SYT14: variants seen among roughly 807,000 people sequenced by gnomAD.
The protein encoded by SYT14 is synaptotagmin-14.
A neutral mutation model predicts 74.2 loss-of-function variants in SYT14; 32 were observed. That is an observed-to-expected ratio of 0.43 (90% CI 0.33 to 0.58). The LOEUF is 0.58. Ranked by LOEUF, SYT14 falls within the 20% of genes least tolerant of loss-of-function variation. SYT14 has a pLI of 0.05. For synonymous variants in SYT14, 298 were observed against 337.7 expected (o/e 0.88, Z 1.29); for missense variants, 791 against 981.8 (o/e 0.81, Z 2.60).
intron 5 of SYT14, among the ~76,000 whole-genome samples, chr1:210,083,403 G>A (rs1288380910): frequency 6.6e-6 from 1 of 152,166 alleles, no homozygotes; most frequent in Non-Finnish European, 1.5e-5. Flanking sequence ...GTATCTGAAG[G>A]TGCAAAAGAA....
At chr1:210,054,945 T>G (rs548918444) in intron 5 of SYT14, among the ~76,000 whole-genome samples, 10 of 152,288 alleles carry the variant, frequency 6.6e-5, no homozygotes, top group African/African-American at 1.9e-4. Context: ...GGGTGCCTAT[T>G]ATAGAGGACA....
intron 2 of SYT14, among the ~76,000 whole-genome samples, chr1:209,989,390 T>C (rs1396805219): frequency 6.6e-6 from 1 of 152,208 alleles, no homozygotes; most frequent in East Asian, 1.9e-4. Context: ...AATTGGAAAT[T>C]GGACAATGTA....
At chr1:210,151,720 A>G (rs1471067476) in intron 7 of SYT14, among the ~76,000 whole-genome samples, 1 of 152,156 alleles carries the variant, frequency 6.6e-6, no homozygotes, top group Non-Finnish European at 1.5e-5. Context: ...TTCTTGTGTT[A>G]TGTAAACACC....
chr1:209,974,167 T>A (rs1255563468), intron 2 of SYT14, among the ~76,000 whole-genome samples: 1 of 152,236 alleles, frequency 6.6e-6, no homozygotes, highest in African/African-American at 2.4e-5. Flanking sequence ...AGGTTGCCTG[T>A]TCACTCTGAT....
chr1:210,116,685 A>G (rs917787602), intron 7 of SYT14, among the ~76,000 whole-genome samples: 1 of 152,228 alleles, frequency 6.6e-6, no homozygotes, highest in African/African-American at 2.4e-5. Flanking sequence ...GATTTTAAAC[A>G]CTTGGAGAAG....
chr1:209,958,422 AC>A (rs200597707), intron 2 of SYT14, among the ~76,000 whole-genome samples: 4,394 of 150,828 alleles, frequency 0.029, 225 homozygotes, highest in African/African-American at 0.099. Context: ...TTCCTTAAAA[AC>A]AAAAAGCCTT....
At chr1:210,131,496 C>T (rs1252052453) in intron 7 of SYT14, among the ~76,000 whole-genome samples, 2 of 151,652 alleles carry the variant, frequency 1.3e-5, no homozygotes, top group East Asian at 1.9e-4. Context: ...GCCACTTTTT[C>T]GTAGAGGCAA....
intron 2 of SYT14, among the ~76,000 whole-genome samples, chr1:210,002,083 T>G (rs1293920849): frequency 6.6e-6 from 1 of 152,218 alleles, no homozygotes; most frequent in East Asian, 1.9e-4. Context: ...TCTCGCAGAC[T>G]GGAATGATTC....
chr1:210,120,152 A>G (rs975728089), intron 7 of SYT14, among the ~76,000 whole-genome samples: 1 of 150,114 alleles, frequency 6.7e-6, no homozygotes, highest in Admixed American at 6.6e-5. Flanking sequence ...TTTTTTTTCT[A>G]GTAGGAAAAG....
chr1:210,093,068 CTG>C (rs1298909122), intron 5 of SYT14, among the ~76,000 whole-genome samples: 1 of 151,748 alleles, frequency 6.6e-6, no homozygotes, highest in East Asian at 1.9e-4. Context: ...AGAGATGACT[CTG>C]TGGTTAGACT....
At chr1:210,143,776 C>T (rs1429731702) in intron 7 of SYT14, among the ~76,000 whole-genome samples, 1 of 151,810 alleles carries the variant, frequency 6.6e-6, no homozygotes, top group Non-Finnish European at 1.5e-5. Flanking sequence ...GCATTCAGAC[C>T]CTTTATTTCA....
rs139957540 is a variant in SYT14, at chr1:210,029,882, G to A, written c.1312+8628G>A. ...AGTTTTCTAAGCATCAACATAGTGT[G>A]CCTTCTCATTTATTTATTTATGTCT... On this transcript the variant is annotated intron_variant, in intron 5 of 9. Transcript: ENST00000637265. 2.1e-3 allele frequency among the ~76,000 whole-genome samples: 318 copies of A among 152,232 alleles called. 1 individual carries two copies. The highest frequency in any genetic ancestry group is 7.4e-3 in the African/African-American group (307 of 41,544).
At chr1:210,039,976 TTCC>T (rs2080752124) in intron 5 of SYT14, among the ~76,000 whole-genome samples, 1 of 152,108 alleles carries the variant, frequency 6.6e-6, no homozygotes, top group South Asian at 2.1e-4. Flanking sequence ...GTGTGGTGAT[TTCC>T]TCAAGGATGT....
intron 2 of SYT14, among the ~76,000 whole-genome samples, chr1:209,988,460 C>T (rs550512240): frequency 3.0e-4 from 45 of 151,968 alleles, no homozygotes; most frequent in Non-Finnish European, 3.8e-4. Context: ...TTTCATTTTG[C>T]TTCTTTGCAT....
chr1:209,980,411 A>G (rs1007423756), intron 2 of SYT14, among the ~76,000 whole-genome samples: 1 of 152,038 alleles, frequency 6.6e-6, no homozygotes, highest in Non-Finnish European at 1.5e-5. Flanking sequence ...GTTCATTCTG[A>G]TGGATAGTTC....
intron 5 of SYT14, among the ~76,000 whole-genome samples, chr1:210,051,127 A>G (rs2080986678): frequency 6.6e-6 from 1 of 152,190 alleles, no homozygotes; most frequent in Admixed American, 6.5e-5. Flanking sequence ...CTCTTCACCC[A>G]TAGAACTGTG....
chr1:210,082,182 G>A lies in SYT14; in HGVS notation c.1313-12140G>A, dbSNP rs186003351. Among the ~76,000 whole-genome samples the A allele has an allele frequency of 6.0e-4, 91 of 152,218 alleles. 1 individual carries two copies. The highest frequency in any genetic ancestry group is 6.6e-4 in the Non-Finnish European group (45 of 68,010). Reference sequence around the variant, plus strand: ...TAAATTTTAGAAATCATGATATTTGGTGCATATTTGAGTTTTAAGTTGTAT... The same window carrying A: ...TAAATTTTAGAAATCATGATATTTGATGCATATTTGAGTTTTAAGTTGTAT... On this transcript the variant is annotated intron_variant, in intron 5 of 9. Coordinates refer to ENST00000637265, the Ensembl canonical transcript of SYT14.
Position 210,066,499 on chromosome 1 carries a change from G to A in SYT14, c.1313-27823G>A, listed in dbSNP as rs542397088. Among the ~76,000 whole-genome samples, 295 of 152,208 alleles carry A rather than the reference G, an allele frequency of 1.9e-3. 1 individual carries two copies. Among genetic ancestry groups the A allele is most frequent in the African/African-American group, 6.8e-3 (282 of 41,552 alleles). On this transcript the variant is annotated intron_variant, in intron 5 of 9. Transcript: ENST00000637265. ...CCAGTGATGATGAGCATTTTTTCAT[G>A]TATCTGTTGGCTGCATAAATGTCTT... is the stretch of plus-strand genomic sequence containing the variant.
chr1:209,967,372 A>G (rs1478824740), intron 2 of SYT14, among the ~76,000 whole-genome samples: 5 of 152,078 alleles, frequency 3.3e-5, no homozygotes, highest in East Asian at 1.9e-4. Flanking sequence ...GAGAGTTTAT[A>G]TATAGTTGGT....
Sources: gnomAD v4.1 joint callset for allele counts (sites outside exome capture counted in the v4.1 genomes callset) on GRCh38, gnomAD v4.1.1 for gene constraint, MANE v1.5 for transcripts, NCBI Gene and HGNC (gene_info 2026-07-23, HGNC 2026-07-21) for gene names.